TEKT3: variants seen among roughly 807,000 people sequenced by gnomAD.
The protein encoded by TEKT3 is tektin-3.
A neutral mutation model predicts 49.8 loss-of-function variants in TEKT3; 49 were observed. The ratio of observed to expected loss-of-function variants is 0.98; its 90% CI spans 0.78 to 1.25. TEKT3 has a LOEUF of 1.25. Among genes scored for constraint, TEKT3 ranks in the 50% most tolerant of loss-of-function variants. The probability of loss-of-function intolerance (pLI) is 0.00; values close to 1 mark genes in which losing one functional copy is unlikely to be tolerated. For synonymous variants in TEKT3, 225 were observed against 237.2 expected (o/e 0.95, Z 0.47); for missense variants, 595 against 629.5 (o/e 0.95, Z 0.59).
intron 4 of TEKT3, among the ~76,000 whole-genome samples, chr17:15,327,156 GAAA>G (rs201138913): frequency 7.3e-6 from 1 of 136,244 alleles, no homozygotes; most frequent in Non-Finnish European, 1.6e-5. Context: ...ATGATTGATT[GAAA>G]AAAAAAAAAA....
chr17:15,317,025 C>G (rs1374983340), intron 5 of TEKT3, among the ~76,000 whole-genome samples: 1 of 152,182 alleles, frequency 6.6e-6, no homozygotes, highest in Non-Finnish European at 1.5e-5. Flanking sequence ...GGTTTCATTG[C>G]TCCTTCTGAA....
In TEKT3 at chr17:15,314,242, A is replaced by C. The variant is rs772612386; in HGVS notation, c.735-12T>G. The C allele has an allele frequency of 3.1e-6, 5 of 1,613,916 alleles. No homozygotes were observed. The Admixed American group carries it at 6.7e-5, about 22-fold the overall frequency. On this transcript the variant is annotated splice_polypyrimidine_tract_variant and intron_variant, in intron 5 of 8. Transcript: ENST00000395930. ...ACGCTCTGTTGGCTCTGCAATACAGAGTCGGGAAGTGGAGCTTCACACTCA... is the reference window on the plus strand; with the variant it reads ...ACGCTCTGTTGGCTCTGCAATACAGCGTCGGGAAGTGGAGCTTCACACTCA...
upstream of TEKT3, among the ~76,000 whole-genome samples, chr17:15,342,837 G>A (rs991064262): frequency 6.6e-6 from 1 of 152,254 alleles, no homozygotes; most frequent in African/African-American, 2.4e-5. Context: ...TCCCATACCC[G>A]ACACCAGGGC....
chr17:15,332,476 T>C lies in TEKT3; in HGVS notation c.-29-862A>G, dbSNP rs146993619. 2.7e-3 allele frequency among the ~76,000 whole-genome samples: 412 copies of C among 152,326 alleles called. 4 individuals carry two copies. The highest frequency in any genetic ancestry group is 0.022 in the East Asian group (116 of 5,188). The stretch of plus-strand genomic sequence containing the variant: ...TAGCACTTCCTTCTTTGGACTGTTG[T>C]GAGCAGTGGTAGCAGCAGGGAATTG... On this transcript the variant is annotated intron_variant, in intron 2 of 8. Transcript: ENST00000395930.
At chr17:15,334,087 A>G (rs1042276753) in intron 2 of TEKT3, among the ~76,000 whole-genome samples, 26 of 151,932 alleles carry the variant, frequency 1.7e-4, no homozygotes, top group African/African-American at 6.3e-4. Flanking sequence ...TCAGAGACAG[A>G]ATCTTGCTCT....
intron 5 of TEKT3, among the ~76,000 whole-genome samples, chr17:15,316,027 T>C (rs763712340): frequency 3.9e-5 from 6 of 152,346 alleles, no homozygotes; most frequent in Non-Finnish European, 7.3e-5. Context: ...CTTTGTAAAG[T>C]GTAAATGAGA....
chr17:15,324,426 G>A (rs1460188348), intron 4 of TEKT3, among the ~76,000 whole-genome samples: 1 of 152,064 alleles, frequency 6.6e-6, no homozygotes, highest in African/African-American at 2.4e-5. Flanking sequence ...TTTTGTTTGG[G>A]CATATGTTTT....
intron 6 of TEKT3, among the ~76,000 whole-genome samples, chr17:15,313,330 G>GTGGC (rs1194877058): frequency 6.6e-6 from 1 of 152,106 alleles, no homozygotes; most frequent in African/African-American, 2.4e-5. Flanking sequence ...TTTTAAGAAA[G>GTGGC]TGGCTGGAAG....
intron 4 of TEKT3, among the ~76,000 whole-genome samples, chr17:15,320,604 A>G (rs866868367): frequency 6.6e-6 from 1 of 152,182 alleles, no homozygotes; most frequent in Non-Finnish European, 1.5e-5. Context: ...GTATAAAAAT[A>G]TCAAATATGT....
chr17:15,323,510 T>C (rs571359603), intron 4 of TEKT3, among the ~76,000 whole-genome samples: 2 of 152,188 alleles, frequency 1.3e-5, no homozygotes, highest in Non-Finnish European at 2.9e-5. Context: ...ACAGAAGCCA[T>C]CCTGTAAGAA....
chr17:15,332,904 A>T lies in TEKT3; in HGVS notation c.-29-1290T>A, dbSNP rs73280339. ...TCCAGATTTTTCCTATTCATATACC[A>T]ACATGTGTATTATTTATATTTTATA... is the stretch of plus-strand genomic sequence containing the variant. On this transcript the variant is annotated intron_variant, in intron 2 of 8. Coordinates refer to ENST00000395930, the MANE Select transcript of TEKT3 (RefSeq NM_031898.3). 8.1e-3 allele frequency among the ~76,000 whole-genome samples: 1,226 copies of T among 152,290 alleles called. 13 individuals carry two copies. Among genetic ancestry groups the T allele is most frequent in the African/African-American group, 0.028 (1,163 of 41,544 alleles).
intron 5 of TEKT3, among the ~76,000 whole-genome samples, chr17:15,314,540 AAC>A (rs1234336456): frequency 1.3e-5 from 2 of 152,076 alleles, no homozygotes; most frequent in African/African-American, 4.8e-5. Flanking sequence ...ATCTCCCTAA[AAC>A]ACACAAACTC....
chr17:15,328,761 T>C (rs998854772), intron 3 of TEKT3, among the ~76,000 whole-genome samples: 1 of 152,204 alleles, frequency 6.6e-6, no homozygotes, highest in South Asian at 2.1e-4. Context: ...TAAAGTATGT[T>C]AGTGGCTCTA....
intron 7 of TEKT3, chr17:15,310,744 A>T (rs1910735222): frequency 6.6e-6 from 1 of 152,174 alleles, no homozygotes; most frequent in Non-Finnish European, 1.5e-5. Context: ...AGTAAATAAA[A>T]ATTTGTTGAA....
intron 6 of TEKT3, among the ~76,000 whole-genome samples, chr17:15,312,767 T>C (rs1239268937): frequency 1.3e-5 from 2 of 152,226 alleles, no homozygotes; most frequent in African/African-American, 2.4e-5. Context: ...TCATTATAAA[T>C]GTGTCACACA....
At chr17:15,325,347 T>C (rs1446702856) in intron 4 of TEKT3, among the ~76,000 whole-genome samples, 1 of 152,188 alleles carries the variant, frequency 6.6e-6, no homozygotes, top group Non-Finnish European at 1.5e-5. Flanking sequence ...AATATTGCCA[T>C]CTTAACACGA....
At chr17:15,322,031 T>C (rs1911290839) in intron 4 of TEKT3, among the ~76,000 whole-genome samples, 1 of 151,968 alleles carries the variant, frequency 6.6e-6, no homozygotes, top group Non-Finnish European at 1.5e-5. Flanking sequence ...GCTGAAAACA[T>C]ATGCCTTGAG....
intron 6 of TEKT3, among the ~76,000 whole-genome samples, chr17:15,313,054 A>G (rs1180602177): frequency 6.6e-6 from 1 of 152,204 alleles, no homozygotes; most frequent in Non-Finnish European, 1.5e-5. Context: ...TATTATAAGG[A>G]AACAATGTAC....
intron 4 of TEKT3, chr17:15,327,628 T>A: frequency 4.8e-6 from 1 of 209,668 alleles, no homozygotes; most frequent in Non-Finnish European, 9.7e-6. Flanking sequence ...TGGAGACATA[T>A]CTGAGCATCA....
Sources: allele counts gnomAD v4.1 joint callset (sites outside exome capture counted in the v4.1 genomes callset), GRCh38; gene constraint gnomAD v4.1.1; transcripts MANE v1.5; gene names NCBI Gene and HGNC (gene_info 2026-07-23, HGNC 2026-07-21).